The following SLC19A2 variants were observed in gnomAD, a reference collection of about 807,000 sequenced individuals.
SLC19A2 encodes the protein solute carrier family 19 member 2.
SLC19A2 carries 27 observed loss-of-function variants against 44.7 expected under a neutral mutation model. The observed-to-expected ratio is 0.60, with a 90% CI of 0.45 to 0.83. The LOEUF (loss-of-function observed/expected upper bound fraction) is 0.83. Ranked by LOEUF, SLC19A2 falls within the 40% of genes least tolerant of loss-of-function variation. The pLI, the probability that SLC19A2 is intolerant of heterozygous loss-of-function variation, is 0.00. For synonymous variants in SLC19A2, 239 were observed against 243.6 expected (o/e 0.98, Z 0.18); for missense variants, 566 against 613.7 (o/e 0.92, Z 0.82).
In SLC19A2 at chr1:169,485,588, G is replaced by T; in HGVS notation, c.179C>A (p.Pro60Gln). 1 of 1,586,290 alleles carries T rather than the reference G, an allele frequency of 6.3e-7. No homozygotes were observed. Among genetic ancestry groups the T allele is most frequent in the Non-Finnish European group, 8.6e-7 (1 of 1,166,480 alleles). Residue 60 changes from proline (P) to glutamine (Q), a missense_variant, in exon 1 of 6, where the codon CCG becomes CAG. Transcript: ENST00000236137. ...EPFLTPYLLGPDKNLTEREVF... is the reference protein window; with the variant it reads ...EPFLTPYLLGQDKNLTEREVF... ...CTCCCTCTCGGTCAGGTTCTTGTCC[G>T]GCCCCAGCAGGTACGGGGTCAGGAA...
chr1:169,477,255 C>T lies in SLC19A2; in HGVS notation c.707G>A (p.Gly236Asp). 6.2e-7 allele frequency: 1 copy of T among 1,614,126 alleles called. No individual in the cohort carries two copies. Among genetic ancestry groups the T allele is most frequent in the Non-Finnish European group, 8.5e-7 (1 of 1,180,012 alleles). ...RVNGIKVQNG[G>D]IVTDTPASNH... is the part of the protein sequence containing the mutation. ...AGAAGCTGGGGTGTCAGTAACAATG[C>T]CACCATTTTGTACCTTGATGCCATT... The change falls in exon 2 of 6, where the codon GGC becomes GAC. Residue 236 changes from glycine to aspartate, a missense_variant. By Grantham distance (94) the Gly-to-Asp change is moderately conservative (BLOSUM62 -1). Coordinates refer to ENST00000236137, the MANE Select transcript of SLC19A2 (RefSeq NM_006996.3).
intron 2 of SLC19A2, among the ~76,000 whole-genome samples, chr1:169,476,750 G>A (rs530302618): frequency 6.6e-6 from 1 of 151,864 alleles, no homozygotes; most frequent in Non-Finnish European, 1.5e-5. Flanking sequence ...TAATAATTTG[G>A]GCTTCAATTC....
rs1657936597 is a variant in SLC19A2 at position 169,464,280 on chromosome 1, C to T, written c.*1569G>A. On this transcript the variant is annotated 3_prime_UTR_variant, in exon 6 of 6. Coordinates refer to ENST00000236137, the MANE Select transcript of SLC19A2 (RefSeq NM_006996.3). ...TACACAATTCCCAAATTAGCACAAA[C>T]AAAACAAAGCAAAAAAAGAAAAACA... is the stretch of plus-strand genomic sequence containing the variant. The T allele has an allele frequency of 6.6e-6, 1 of 152,366 alleles. No individual in the cohort carries two copies. The highest frequency in any genetic ancestry group is 1.5e-5 in the Non-Finnish European group (1 of 67,956). The allele number at this position is 152,366 out of a possible 1,614,324, so 9.4% of individuals were successfully genotyped here. A position where few individuals can be genotyped will look rare whatever the true frequency, so the allele number is the denominator to read the frequency against.
rs537081207 is a variant in SLC19A2 at position 169,484,663 on chromosome 1, T to G, written c.204+900A>C. ...TTGTCTTTCTTCTGCAAAAATCAAG[T>G]GCTGGTTTTGACCATGCACTTAAAT... On this transcript the variant is annotated intron_variant, in intron 1 of 5. Transcript: ENST00000236137. Among the ~76,000 whole-genome samples, 11 of 152,366 alleles carry G rather than the reference T, an allele frequency of 7.2e-5. No homozygotes were observed. The South Asian group carries it at 2.1e-3, about 29-fold the overall frequency.
Position 169,465,214 on chromosome 1 carries a change from C to T in SLC19A2, c.*635G>A, listed in dbSNP as rs1383980669. ...AAATTTTACAGAAATAAATAATCGTCACAATGGGAACCAAGAACATTCATA... is the reference window on the plus strand; with the variant it reads ...AAATTTTACAGAAATAAATAATCGTTACAATGGGAACCAAGAACATTCATA... On this transcript the variant is annotated 3_prime_UTR_variant, in exon 6 of 6. Coordinates refer to ENST00000236137, the MANE Select transcript of SLC19A2 (RefSeq NM_006996.3). The T allele has an allele frequency of 6.6e-6, 1 of 152,212 alleles. No homozygotes were observed. The highest frequency in any genetic ancestry group is 1.5e-5 in the Non-Finnish European group (1 of 68,080). The allele number at this position is 152,212 out of a possible 1,614,324, so 9.4% of individuals were successfully genotyped here.
intron 5 of SLC19A2, among the ~76,000 whole-genome samples, chr1:169,466,570 A>AT (rs1253604962): frequency 2.6e-5 from 4 of 151,560 alleles, no homozygotes; most frequent in Admixed American, 2.0e-4. Flanking sequence ...GAATGTGCAG[A>AT]TTTGTTATAT....
intron 1 of SLC19A2, among the ~76,000 whole-genome samples, chr1:169,484,403 G>A (rs1346816596): frequency 1.3e-5 from 2 of 152,218 alleles, no homozygotes; most frequent in African/African-American, 2.4e-5. Flanking sequence ...ATAGAGAAGA[G>A]TAAGGTTTAA....
At chr1:169,482,538 CTAAA>C (rs1404471572) in intron 1 of SLC19A2, among the ~76,000 whole-genome samples, 5 of 152,262 alleles carry the variant, frequency 3.3e-5, no homozygotes, top group South Asian at 2.1e-4. Flanking sequence ...AAGACTGTCT[CTAAA>C]TAAATAAACT....
chr1:169,473,734 GTGA>G (rs1364392083), intron 2 of SLC19A2, among the ~76,000 whole-genome samples: 1 of 151,570 alleles, frequency 6.6e-6, no homozygotes, highest in Admixed American at 6.6e-5. Flanking sequence ...AACAGGAGGT[GTGA>G]TGATGATGAT....
rs775314144 is a variant in SLC19A2 at position 169,485,572 on chromosome 1, G to T, written c.195C>A (p.Thr65=). Residue 65 remains threonine (T), a synonymous_variant, in exon 1 of 6, where the codon ACC becomes ACA. Coordinates refer to ENST00000236137, the MANE Select transcript of SLC19A2 (RefSeq NM_006996.3). The part of the protein sequence containing the change: ...PYLLGPDKNL[T]EREVFNEIYP... ...CGTCCGCCGCGCGTACCTCCCTCTC[G>T]GTCAGGTTCTTGTCCGGCCCCAGCA... 6.3e-7 allele frequency: 1 copy of T among 1,585,912 alleles called. No individual in the cohort carries two copies. The highest frequency in any genetic ancestry group is 1.1e-5 in the South Asian group (1 of 87,056).
At chr1:169,470,292 A>G in intron 2 of SLC19A2, 106 bp from the exon 3 acceptor site, 1 of 885,162 alleles carries the variant, frequency 1.1e-6, no homozygotes, top group Non-Finnish European at 1.9e-6. Flanking sequence ...CCTTGTGAAA[A>G]CTAACTGCTT....
rs1415827659 is a variant in SLC19A2 at position 169,485,606 on chromosome 1, G to A, written c.161C>T (p.Thr54Ile). The A allele has an allele frequency of 5.7e-6, 9 of 1,581,580 alleles. No homozygotes were observed. The highest frequency in any genetic ancestry group is 7.7e-6 in the Non-Finnish European group (9 of 1,164,040). The change falls in exon 1 of 6, where the codon ACC becomes ATC. Residue 54 changes from threonine to isoleucine, a missense_variant. Coordinates refer to ENST00000236137, the MANE Select transcript of SLC19A2 (RefSeq NM_006996.3). ...ASLRPSEPFL[T>I]PYLLGPDKNL... ...CTTGTCCGGCCCCAGCAGGTACGGG[G>A]TCAGGAAGGGCTCGGACGGCCTGAG...
At chr1:169,466,766 G>A (rs1364646753) in intron 5 of SLC19A2, among the ~76,000 whole-genome samples, 4 of 150,902 alleles carry the variant, frequency 2.7e-5, no homozygotes, top group Non-Finnish European at 3.0e-5. Flanking sequence ...ACCGACTTAT[G>A]AGTGAGAACA....
chr1:169,477,946 G>A (rs746317675), intron 1 of SLC19A2, among the ~76,000 whole-genome samples, 189 bp from the exon 2 acceptor site: 34 of 152,038 alleles, frequency 2.2e-4, no homozygotes, highest in Non-Finnish European at 3.8e-4. Context: ...CTTGTTCTGC[G>A]CCCAGGCTGG....
rs1658535492 is a variant in SLC19A2 at position 169,485,497 on chromosome 1, T to C, written c.204+66A>G. Reference sequence around the variant, plus strand: ...CTCGAGCGCTTTTCTCGGTCCTCTCTTCCTCCGCTGCCCACCCGCAGGCCG... The same window carrying C: ...CTCGAGCGCTTTTCTCGGTCCTCTCCTCCTCCGCTGCCCACCCGCAGGCCG... On this transcript the variant is annotated intron_variant, in intron 1 of 5. Transcript: ENST00000236137. 3 of 1,525,574 alleles carry C rather than the reference T, an allele frequency of 2.0e-6. No homozygotes were observed. In the African/African-American group the frequency reaches 4.1e-5, roughly 21 times the overall value. 94.5% of individuals were successfully genotyped at this position (1,525,574 alleles called of 1,614,324 possible). A position where few individuals can be genotyped will look rare whatever the true frequency, so the allele number is the denominator to read the frequency against.
rs767302318 is a variant in SLC19A2 at position 169,477,773 on chromosome 1, A to G, written c.205-16T>C. 1 of 1,594,546 alleles carries G rather than the reference A, an allele frequency of 6.3e-7. No individual in the cohort carries two copies. Among genetic ancestry groups the G allele is most frequent in the South Asian group, 1.1e-5 (1 of 87,890 alleles). On this transcript the variant is annotated splice_polypyrimidine_tract_variant and intron_variant, in intron 1 of 5. Transcript: ENST00000236137. The stretch of plus-strand genomic sequence containing the variant: ...CATTGAAGACCTGGTAGAAAGAGAA[A>G]AAAAAAAAACAAAAAACATTAGTGA...
At chr1:169,476,809 C>T (rs1658327471) in intron 2 of SLC19A2, among the ~76,000 whole-genome samples, 1 of 152,152 alleles carries the variant, frequency 6.6e-6, no homozygotes, top group African/African-American at 2.4e-5. Context: ...ATTTCATCTA[C>T]TCATTTAGCA....
intron 1 of SLC19A2, among the ~76,000 whole-genome samples, chr1:169,480,333 AC>A (rs987307389): frequency 3.3e-5 from 5 of 151,382 alleles, no homozygotes; most frequent in African/African-American, 9.7e-5. Context: ...TTTTTTTGAG[AC>A]GGAGTTTCAC....
intron 1 of SLC19A2, among the ~76,000 whole-genome samples, chr1:169,478,790 C>T (rs187644150): frequency 5.9e-5 from 9 of 152,018 alleles, no homozygotes; most frequent in Non-Finnish European, 1.0e-4. Flanking sequence ...GTTAGCCAAG[C>T]GTTGTGGCAC....
Sources: gnomAD v4.1 joint callset for allele counts (sites outside exome capture counted in the v4.1 genomes callset) on GRCh38, gnomAD v4.1.1 for gene constraint, MANE v1.5 for transcripts, NCBI Gene and HGNC (gene_info 2026-07-23, HGNC 2026-07-21) for gene names.